Variants in OTUD3 observed in about 807,000 individuals in gnomAD.
The protein encoded by OTUD3 is OTU deubiquitinase 3, also known as OTU domain-containing protein 3.
Under a neutral mutation model 46.2 loss-of-function variants are expected in OTUD3, and 24 were observed. The ratio of observed to expected loss-of-function variants is 0.52; its 90% CI spans 0.38 to 0.73. The LOEUF (loss-of-function observed/expected upper bound fraction) is 0.73. Among genes scored for constraint, OTUD3 ranks in the 30% least tolerant of loss-of-function variants. The probability of loss-of-function intolerance (pLI) is 0.00; values close to 1 mark genes in which losing one functional copy is unlikely to be tolerated. For synonymous variants in OTUD3, 189 were observed against 195.4 expected, an observed-to-expected ratio of 0.97 and a Z score of 0.27; for missense variants, 455 against 523.3, an observed-to-expected ratio of 0.87 and a Z score of 1.27.
chr1:19,890,427 C>T lies in OTUD3; in HGVS notation c.264C>T (p.His88=), dbSNP rs1326065291. 1.2e-6 allele frequency: 2 copies of T among 1,613,912 alleles called. No individual in the cohort carries two copies. The highest frequency in any genetic ancestry group is 1.7e-5 in the Admixed American group (1 of 60,026). The change falls in exon 2 of 8, where the codon CAC becomes CAT. Residue 88 remains histidine, a synonymous_variant. Transcript: ENST00000375120. The part of the protein sequence containing the change: ...FRALGDQLEG[H]SRNHLKHRQE... ...CTCTTGGTGATCAATTGGAGGGACA[C>T]TCACGAAATCATCTCAAGCACAGAC...
chr1:19,905,208 A>G (rs1052078778), intron 6 of OTUD3, among the ~76,000 whole-genome samples: 28 of 152,180 alleles, frequency 1.8e-4, no homozygotes, highest in African/African-American at 6.7e-4. Context: ...AGACAGATAA[A>G]CTGGTGCGAT....
intron 4 of OTUD3, among the ~76,000 whole-genome samples, chr1:19,898,624 A>G (rs529889404): frequency 1.4e-3 from 214 of 151,770 alleles, no homozygotes; most frequent in African/African-American, 5.0e-3. Context: ...GCTACTCGGG[A>G]GGCTGAGGCA....
chr1:19,907,458 T>C, intron 7 of OTUD3, 112 bp from the exon 8 acceptor site: 2 of 956,788 alleles, frequency 2.1e-6, no homozygotes, highest in Non-Finnish European at 3.2e-6. Flanking sequence ...AGATTGGTTT[T>C]CCCTGTTCCT....
Position 19,908,838 on chromosome 1 carries a change from A to G in OTUD3, c.*1092A>G, listed in dbSNP as rs2045699588. On this transcript the variant is annotated 3_prime_UTR_variant, in exon 8 of 8. Transcript: ENST00000375120. ...TTATTTAAGCCCTGTTTGGCATTTCAAAGTTGGGAAAACTCCAGCATCTGC... is the reference window on the plus strand; with the variant it reads ...TTATTTAAGCCCTGTTTGGCATTTCGAAGTTGGGAAAACTCCAGCATCTGC... The G allele has an allele frequency of 6.6e-6, 1 of 152,348 alleles. No individual in the cohort carries two copies. Among genetic ancestry groups the G allele is most frequent in the Admixed American group, 6.5e-5 (1 of 15,280 alleles). The allele number at this position is 152,348 out of a possible 1,614,324, so 9.4% of individuals were successfully genotyped here.
chr1:19,894,395 T>C lies in OTUD3; in HGVS notation c.398T>C (p.Phe133Ser), dbSNP rs1440893087. ...GCCAGTTTGGCAAAGCCTGGTACTT[T>C]TGCTGGCAATGATGCAATTGTAGCC... ...HVASLAKPGTFAGNDAIVAFA... is the reference protein window; with the variant it reads ...HVASLAKPGTSAGNDAIVAFA... Residue 133 changes from phenylalanine to serine, a missense_variant, in exon 3 of 8, where the codon TTT (phenylalanine) becomes TCT (serine). Phe to Ser is a radical substitution (Grantham distance 155). Coordinates refer to ENST00000375120, the MANE Select transcript of OTUD3 (RefSeq NM_015207.2). 2 of 1,609,524 alleles carry C rather than the reference T, an allele frequency of 1.2e-6. No homozygotes were observed. The highest frequency in any genetic ancestry group is 2.7e-5 in the African/African-American group (2 of 74,832).
At chr1:19,897,725 A>G (rs2045536291) in intron 4 of OTUD3, 63 bp downstream of exon 4, 3 of 1,506,182 alleles carry the variant, frequency 2.0e-6, no homozygotes, top group Non-Finnish European at 2.7e-6. Flanking sequence ...TGAGAGCTGT[A>G]TATCTGGCGC....
Position 19,912,231 on chromosome 1 carries a change from G to A in OTUD3, c.*4485G>A, listed in dbSNP as rs772766653. ...CTGTGGCCTGGCTCTCATCCTTGGC[G>A]TGTCAGCCTGCGGCAGGCTGCCAGC... On this transcript the variant is annotated 3_prime_UTR_variant, in exon 8 of 8. Transcript: ENST00000375120. The A allele has an allele frequency of 7.2e-5, 11 of 152,306 alleles. No homozygotes were observed. The highest frequency in any genetic ancestry group is 3.3e-4 in the Admixed American group (5 of 15,284). The allele number at this position is 152,306 out of a possible 1,614,324, so 9.4% of individuals were successfully genotyped here.
chr1:19,905,553 G>A (rs1205724042), intron 6 of OTUD3, among the ~76,000 whole-genome samples: 6 of 151,668 alleles, frequency 4.0e-5, no homozygotes, highest in South Asian at 2.1e-4. Context: ...CCAGCCTGAC[G>A]AACATGGTGA....
At position 19,909,552 on chromosome 1, in the gene OTUD3, A is replaced by G. The variant is rs1022643551; in HGVS notation, c.*1806A>G. The G allele has an allele frequency of 6.6e-6, 1 of 152,330 alleles. No homozygotes were observed. Among genetic ancestry groups the G allele is most frequent in the African/African-American group, 2.4e-5 (1 of 41,456 alleles). The allele number at this position is 152,330 out of a possible 1,614,324, so 9.4% of individuals were successfully genotyped here. ...AGGATCTATGGTTGTCTTGGTTTTC[A>G]ACTCTGGGCAGATTCCTGACTGGCT... On this transcript the variant is annotated 3_prime_UTR_variant, in exon 8 of 8. Transcript: ENST00000375120.
intron 6 of OTUD3, among the ~76,000 whole-genome samples, chr1:19,905,697 C>T (rs527727469): frequency 6.6e-6 from 1 of 152,208 alleles, no homozygotes; most frequent in East Asian, 1.9e-4. Flanking sequence ...GCTAAGATCG[C>T]ACCATTGCAC....
chr1:19,883,186 T>C (rs973930114), intron 1 of OTUD3, among the ~76,000 whole-genome samples: 9 of 152,174 alleles, frequency 5.9e-5, no homozygotes, highest in African/African-American at 2.2e-4. Flanking sequence ...CCTTGGTTTT[T>C]GGGTGGTGCC....
intron 1 of OTUD3, among the ~76,000 whole-genome samples, chr1:19,883,250 C>A (rs1012606308): frequency 2.0e-5 from 3 of 152,208 alleles, no homozygotes; most frequent in African/African-American, 7.2e-5. Flanking sequence ...AAGGCAGCTT[C>A]TCTAATTCTT....
Position 19,907,572 on chromosome 1 carries a change from C to T in OTUD3, c.1023C>T (p.Val341=), listed in dbSNP as rs1350268898. Residue 341 remains valine, a splice_region_variant and synonymous_variant, in exon 8 of 8, where the codon GTC becomes GTT. Transcript: ENST00000375120. ...NKANKNQLAK[V]TNKQRREQQW... is the part of the protein sequence containing the mutation. ...ACCACCATGGCCTTCTCTCTCAGGTCACAAACAAACAGAGGCGAGAACAGC... is the reference window on the plus strand; with the variant it reads ...ACCACCATGGCCTTCTCTCTCAGGTTACAAACAAACAGAGGCGAGAACAGC... 2.5e-6 allele frequency: 4 copies of T among 1,613,630 alleles called. No homozygotes were observed. Among genetic ancestry groups the T allele is most frequent in the Admixed American group, 3.3e-5 (2 of 59,986 alleles).
At chr1:19,900,131 A>G (rs2045566628) in intron 4 of OTUD3, among the ~76,000 whole-genome samples, 1 of 152,142 alleles carries the variant, frequency 6.6e-6, no homozygotes, top group South Asian at 2.1e-4. Flanking sequence ...CATAACTGGG[A>G]AAGTCTTTCC....
chr1:19,894,568 A>G (rs2045492198), intron 3 of OTUD3, 88 bp downstream of exon 3: 3 of 771,110 alleles, frequency 3.9e-6, no homozygotes, highest in Non-Finnish European at 6.3e-6. Context: ...TGACCTGTGA[A>G]CATTGAATTA....
At chr1:19,901,901 G>A (rs2045594521) in intron 4 of OTUD3, among the ~76,000 whole-genome samples, 1 of 151,880 alleles carries the variant, frequency 6.6e-6, no homozygotes, top group South Asian at 2.1e-4. Context: ...GATTTTTTGT[G>A]CACCCATTCA....
chr1:19,902,592 T>C (rs1440559633), intron 4 of OTUD3, among the ~76,000 whole-genome samples: 2 of 152,236 alleles, frequency 1.3e-5, no homozygotes, highest in Non-Finnish European at 2.9e-5. Context: ...TGTATATCTT[T>C]GGAAAAATGT....
At chr1:19,890,364 C>G in intron 1 of OTUD3, 21 bp from the exon 2 acceptor site, 1 of 1,612,214 alleles carries the variant, frequency 6.2e-7, no homozygotes, top group Non-Finnish European at 8.5e-7. Context: ...AAGGTCTTGA[C>G]TCGTGTTGTT....
At chr1:19,899,905 C>CG (rs2045563181) in intron 4 of OTUD3, among the ~76,000 whole-genome samples, 1 of 151,018 alleles carries the variant, frequency 6.6e-6, no homozygotes, top group South Asian at 2.1e-4. Context: ...TTTCTTTCTC[C>CG]ATTTTTTTCC....
Sources: allele counts gnomAD v4.1 joint callset (sites outside exome capture counted in the v4.1 genomes callset), GRCh38; gene constraint gnomAD v4.1.1; transcripts MANE v1.5; gene names NCBI Gene and HGNC (gene_info 2026-07-23, HGNC 2026-07-21).